DRG1: variants seen among roughly 807,000 people sequenced by gnomAD.
The protein encoded by DRG1 is developmentally regulated GTP binding protein 1.
A neutral mutation model predicts 38.8 loss-of-function variants in DRG1; 19 were observed. That is an observed-to-expected ratio of 0.49 (90% CI 0.34 to 0.72). The LOEUF (loss-of-function observed/expected upper bound fraction) is 0.72, where lower values mean the gene tolerates loss of function less well. Ranked by LOEUF, DRG1 falls within the 30% of genes least tolerant of loss-of-function variation. DRG1 has a pLI of 0.01. For missense variants in DRG1, 299 were observed against 444.8 expected (o/e 0.67, Z 2.95); for synonymous variants, 167 against 157.5 (o/e 1.06, Z -0.45).
rs695603 is a variant in DRG1 at position 31,433,272 on chromosome 22, ATT to A, written c.1005-584_1005-583del. On this transcript the variant is annotated intron_variant, in intron 8 of 8. Coordinates refer to ENST00000331457, the MANE Select transcript of DRG1 (RefSeq NM_004147.4). Reference sequence around the variant, plus strand: ...ATTTCTCTATGAAGATTAAAGACGGATTTTTTTTTTTTTTTTTGAGGCGGAGT... The same window carrying A: ...ATTTCTCTATGAAGATTAAAGACGGATTTTTTTTTTTTTTTGAGGCGGAGT... 3.2e-4 allele frequency among the ~76,000 whole-genome samples: 42 copies of A among 132,602 alleles called. No individual in the cohort carries two copies. In the South Asian group the frequency reaches 4.8e-3, roughly 15 times the overall value. The allele number at this position is 132,602 out of a possible 152,430, so 87.0% of individuals were successfully genotyped here. A position where few individuals can be genotyped will look rare whatever the true frequency, so the allele number is the denominator to read the frequency against.
In DRG1 at chr22:31,400,842, T is replaced by A; in HGVS notation, c.166+99T>A. The A allele has an allele frequency of 2.2e-6, 3 of 1,370,058 alleles. No homozygotes were observed. The South Asian group carries it at 4.0e-5, about 18-fold the overall frequency. 84.9% of individuals were successfully genotyped at this position (1,370,058 alleles called of 1,614,324 possible). On this transcript the variant is annotated intron_variant, in intron 2 of 8. Transcript: ENST00000331457. ...AATAACTAAAGATGGCCCAGTGCAG[T>A]GGCTCAACGCCTGCAATCCTAGCAT... is the stretch of plus-strand genomic sequence containing the variant.
At position 31,403,157 on chromosome 22, in the gene DRG1, C is replaced by T; in HGVS notation, c.295C>T (p.Leu99=). 2.5e-6 allele frequency: 4 copies of T among 1,614,056 alleles called. No homozygotes were observed. The highest frequency in any genetic ancestry group is 1.1e-5 in the South Asian group (1 of 91,064). Residue 99 remains leucine, a synonymous_variant, in exon 3 of 9, where the codon CTG becomes TTG. Transcript: ENST00000331457. ...GGTGGCAGCCTATGAATTCACTACT[C>T]TGACCACTGTGCCTGGTGTCATCAG... is the stretch of plus-strand genomic sequence containing the variant. ...SEVAAYEFTT[L]TTVPGVIRYK... is the part of the protein sequence containing the mutation.
At chr22:31,409,154 G>A (rs1355935555) in intron 3 of DRG1, among the ~76,000 whole-genome samples, 1 of 151,742 alleles carries the variant, frequency 6.6e-6, no homozygotes. Context: ...GCATAATCTC[G>A]GCTCACTGCA....
chr22:31,418,470 A>C (rs190019936), intron 4 of DRG1, among the ~76,000 whole-genome samples: 21 of 151,962 alleles, frequency 1.4e-4, no homozygotes, highest in African/African-American at 4.8e-4. Context: ...CAAAAAAGAG[A>C]ATTTTAAAAA....
At chr22:31,431,637 C>G (rs2050140057) in intron 8 of DRG1, among the ~76,000 whole-genome samples, 2 of 152,186 alleles carry the variant, frequency 1.3e-5, no homozygotes, top group Admixed American at 6.5e-5. Context: ...CCCCTGTACT[C>G]TAGCCTGGGC....
intron 8 of DRG1, among the ~76,000 whole-genome samples, chr22:31,433,006 ATTC>A (rs1178713167): frequency 6.6e-6 from 1 of 151,810 alleles, no homozygotes; most frequent in Non-Finnish European, 1.5e-5. Context: ...AGCACAACAT[ATTC>A]TTAAGTTTGG....
intron 3 of DRG1, among the ~76,000 whole-genome samples, chr22:31,407,206 T>C (rs1352231061): frequency 1.3e-5 from 2 of 152,164 alleles, no homozygotes; most frequent in Non-Finnish European, 2.9e-5. Flanking sequence ...AAAGTTACCT[T>C]TTTTTGGACA....
chr22:31,412,595 C>T (rs1041806247), intron 4 of DRG1, among the ~76,000 whole-genome samples: 6 of 151,926 alleles, frequency 3.9e-5, no homozygotes, highest in East Asian at 2.0e-4. Context: ...GTGATCCGCC[C>T]GCCTCGGCCT....
chr22:31,424,804 C>CG (rs1444564622), intron 6 of DRG1, among the ~76,000 whole-genome samples: 1 of 17,978 alleles, frequency 5.6e-5, no homozygotes, highest in Non-Finnish European at 1.2e-4. Flanking sequence ...GCACCCGCCC[C>CG]CCCCCCCTTT....
intron 6 of DRG1, among the ~76,000 whole-genome samples, chr22:31,424,811 C>CCCCCCCCCCCT (rs71202078): frequency 2.7e-5 from 1 of 36,668 alleles, no homozygotes; most frequent in Non-Finnish European, 4.3e-5. Flanking sequence ...CCCCCCCCCC[C>CCCCCCCCCCCT]TTTTTTTTTT....
chr22:31,399,850 G>T lies in DRG1; in HGVS notation c.42+125G>T, dbSNP rs1055179213. On this transcript the variant is annotated intron_variant, in intron 1 of 8. Coordinates refer to ENST00000331457, the MANE Select transcript of DRG1 (RefSeq NM_004147.4). ...TAGATTCCGCGACTTCTCTCAGCGA[G>T]GCCCGTGTTCCGACTGCCCTCTGCC... 15 of 1,440,096 alleles carry T rather than the reference G, an allele frequency of 1.0e-5. No homozygotes were observed. In the East Asian group the frequency reaches 3.5e-4, roughly 33 times the overall value. 89.2% of individuals were successfully genotyped at this position (1,440,096 alleles called of 1,614,324 possible). A position where few individuals can be genotyped will look rare whatever the true frequency, so the allele number is the denominator to read the frequency against.
intron 4 of DRG1, among the ~76,000 whole-genome samples, chr22:31,418,861 T>G (rs1325263306): frequency 6.6e-6 from 1 of 152,066 alleles, no homozygotes; most frequent in Non-Finnish European, 1.5e-5. Context: ...TTTTGAATTT[T>G]TAGTAGAGAT....
In DRG1 at chr22:31,400,102, G is replaced by GA. The variant is rs943084233; in HGVS notation, c.42+378dup. Among the ~76,000 whole-genome samples, 7 of 152,136 alleles carry GA rather than the reference G, an allele frequency of 4.6e-5. 2 individuals are homozygous for GA. Among genetic ancestry groups the GA allele is most frequent in the Non-Finnish European group, 4.4e-5 (3 of 68,044 alleles). Reference sequence around the variant, plus strand: ...CCTTATTCCATCTCTGACTTGGTCAGATAGTTCAGGATCTTTCCTCATCAT... The same window carrying GA: ...CCTTATTCCATCTCTGACTTGGTCAGAATAGTTCAGGATCTTTCCTCATCAT... On this transcript the variant is annotated intron_variant, in intron 1 of 8. Transcript: ENST00000331457.
chr22:31,420,840 T>G (rs1451675852), intron 5 of DRG1, among the ~76,000 whole-genome samples: 3 of 152,186 alleles, frequency 2.0e-5, no homozygotes, highest in Non-Finnish European at 4.4e-5. Context: ...TTGGATAGAA[T>G]AGAAAACAAT....
At chr22:31,408,933 A>G (rs1399511217) in intron 3 of DRG1, among the ~76,000 whole-genome samples, 5 of 152,096 alleles carry the variant, frequency 3.3e-5, no homozygotes, top group Non-Finnish European at 7.4e-5. Flanking sequence ...TTAATAGTTT[A>G]TAATTTTGCT....
chr22:31,431,019 T>TTCC (rs2050135563), intron 8 of DRG1, among the ~76,000 whole-genome samples: 4 of 81,016 alleles, frequency 4.9e-5, no homozygotes, highest in African/African-American at 1.0e-4. Flanking sequence ...CACCCGGCCT[T>TTCC]CCCCCCCCCC....
rs184857640 is a variant in DRG1 at position 31,405,900 on chromosome 22, C to T, written c.342+2696C>T. On this transcript the variant is annotated intron_variant, in intron 3 of 8. Coordinates refer to ENST00000331457, the MANE Select transcript of DRG1 (RefSeq NM_004147.4). ...ACGGGGTTTCACCATATTGATCAGGCTAGTCTCGAACTCCTGACTTCAGGT... is the reference window on the plus strand; with the variant it reads ...ACGGGGTTTCACCATATTGATCAGGTTAGTCTCGAACTCCTGACTTCAGGT... Among the ~76,000 whole-genome samples the T allele has an allele frequency of 4.4e-4, 67 of 152,046 alleles. 2 individuals carry two copies. Among genetic ancestry groups the T allele is most frequent in the African/African-American group, 1.5e-3 (64 of 41,484 alleles).
chr22:31,406,012 T>TC (rs2049988594), intron 3 of DRG1, among the ~76,000 whole-genome samples: 1 of 150,982 alleles, frequency 6.6e-6, no homozygotes, highest in African/African-American at 2.4e-5. Context: ...TTTTCTTTTT[T>TC]TTTTTTTTTT....
chr22:31,399,756 G>A, intron 1 of DRG1, 31 bp downstream of exon 1: 1 of 1,613,972 alleles, frequency 6.2e-7, no homozygotes. Context: ...TTCACTCTTA[G>A]TCTGAGCATT....
Sources: allele counts gnomAD v4.1 joint callset (sites outside exome capture counted in the v4.1 genomes callset), GRCh38; gene constraint gnomAD v4.1.1; transcripts MANE v1.5; gene names NCBI Gene and HGNC (gene_info 2026-07-23, HGNC 2026-07-21).